Variants in LAMC3 observed in about 807,000 individuals in gnomAD.
LAMC3 encodes the protein laminin subunit gamma-3.
Under a neutral mutation model 173.8 loss-of-function variants are expected in LAMC3, and 128 were observed. The ratio of observed to expected loss-of-function variants is 0.74; its 90% CI spans 0.64 to 0.85. The LOEUF (loss-of-function observed/expected upper bound fraction) is 0.85. Among genes scored for constraint, LAMC3 ranks in the 40% least tolerant of loss-of-function variants. The probability of loss-of-function intolerance (pLI) is 0.00; values close to 1 mark genes in which losing one functional copy is unlikely to be tolerated. For synonymous variants in LAMC3, 897 were observed against 909.1 expected, an observed-to-expected ratio of 0.99 and a Z score of 0.24; for missense variants, 2,022 against 2,156.0, an observed-to-expected ratio of 0.94 and a Z score of 1.23.
intron 1 of LAMC3, among the ~76,000 whole-genome samples, chr9:131,025,511 A>C (rs985099199): frequency 3.3e-5 from 5 of 152,054 alleles, no homozygotes; most frequent in Non-Finnish European, 7.4e-5. Flanking sequence ...GGGAGAGGCC[A>C]CTGGAAGCTG....
At chr9:131,091,420 T>C in intron 27 of LAMC3, 117 bp from the exon 28 acceptor site, 1 of 1,353,090 alleles carries the variant, frequency 7.4e-7, no homozygotes, top group Non-Finnish European at 1.0e-6. Flanking sequence ...CCCTGGTGGA[T>C]GGTGGGCCAT....
chr9:131,048,999 G>T (rs1834230426), intron 8 of LAMC3, 21 bp from the exon 9 acceptor site: 4 of 1,473,042 alleles, frequency 2.7e-6, no homozygotes, highest in East Asian at 4.9e-5. Context: ...TGATCGGGGG[G>T]TGTCTGTGTT....
At chr9:131,073,024 A>G (rs1219170147) in intron 19 of LAMC3, among the ~76,000 whole-genome samples, 189 bp downstream of exon 19, 1 of 152,196 alleles carries the variant, frequency 6.6e-6, no homozygotes, top group East Asian at 1.9e-4. Context: ...AGGGCGAGGC[A>G]TGTTCCGAGG....
At chr9:131,065,286 C>T (rs1387746264) in intron 13 of LAMC3, among the ~76,000 whole-genome samples, 4 of 152,262 alleles carry the variant, frequency 2.6e-5, no homozygotes, top group African/African-American at 4.8e-5. Context: ...AAAGCCCCCT[C>T]GCACAGCATG....
At chr9:131,021,939 A>T (rs1211218718) in intron 1 of LAMC3, among the ~76,000 whole-genome samples, 1 of 152,330 alleles carries the variant, frequency 6.6e-6, no homozygotes, top group African/African-American at 2.4e-5. Context: ...GCCACCCTCC[A>T]GGAACCTCCC....
intron 9 of LAMC3, among the ~76,000 whole-genome samples, chr9:131,050,777 G>GA (rs35256167): frequency 2.9e-4 from 43 of 148,218 alleles, no homozygotes; most frequent in East Asian, 6.0e-4. Context: ...CCAAAAAAAG[G>GA]AAAAAAAAAA....
chr9:131,091,577 C>T lies in LAMC3; in HGVS notation c.4518C>T (p.Asn1506=), dbSNP rs767921820. 32 of 1,589,718 alleles carry T rather than the reference C, an allele frequency of 2.0e-5. No homozygotes were observed. Among genetic ancestry groups the T allele is most frequent in the Middle Eastern group, 1.7e-4 (1 of 5,756 alleles). Residue 1506 remains asparagine (N), a synonymous_variant, in exon 28 of 28, where the codon AAC becomes AAT. Coordinates refer to ENST00000361069, the MANE Select transcript of LAMC3 (RefSeq NM_006059.4). ...DTHQAPAQAL[N]ETQWALERLR... is the part of the protein sequence containing the mutation. The stretch of plus-strand genomic sequence containing the variant: ...ATCAAGCCCCAGCCCAGGCCCTGAA[C>T]GAGACTCAGTGGGCACTAGAACGCC...
chr9:131,092,711 C>G lies in LAMC3; in HGVS notation c.*924C>G, dbSNP rs1830446448. 6.6e-6 allele frequency: 1 copy of G among 152,348 alleles called. No homozygotes were observed. The highest frequency in any genetic ancestry group is 2.4e-5 in the African/African-American group (1 of 41,472). The allele number at this position is 152,348 out of a possible 1,614,324, so 9.4% of individuals were successfully genotyped here. A position where few individuals can be genotyped will look rare whatever the true frequency, so the allele number is the denominator to read the frequency against. ...GCACGCCTCTGTGCCCCCGGCAACC[C>G]AGTTGACCTTTAATTGACGCTTTCC... On this transcript the variant is annotated 3_prime_UTR_variant, in exon 28 of 28. Transcript: ENST00000361069.
In LAMC3 at chr9:131,093,073, C is replaced by G. The variant is rs981412792; in HGVS notation, c.*1286C>G. ...CCTTTCACTGGGCAGGGTGGTGTGC[C>G]TCACCCTCCCCGGCTGGTGGGCAGC... On this transcript the variant is annotated 3_prime_UTR_variant, in exon 28 of 28. Transcript: ENST00000361069. 6.6e-6 allele frequency: 1 copy of G among 152,366 alleles called. No individual in the cohort carries two copies. The highest frequency in any genetic ancestry group is 1.5e-5 in the Non-Finnish European group (1 of 68,178). The allele number at this position is 152,366 out of a possible 1,614,324, so 9.4% of individuals were successfully genotyped here.
intron 27 of LAMC3, among the ~76,000 whole-genome samples, chr9:131,088,062 C>T (rs1300151290): frequency 6.6e-6 from 1 of 152,172 alleles, no homozygotes; most frequent in African/African-American, 2.4e-5. Context: ...CCAGGGCCCT[C>T]TATTCTTTGG....
At position 131,039,242 on chromosome 9, in the gene LAMC3, G is replaced by A; in HGVS notation, c.1277G>A (p.Gly426Asp). 4 of 1,604,378 alleles carry A rather than the reference G, an allele frequency of 2.5e-6. No individual in the cohort carries two copies. Among genetic ancestry groups the A allele is most frequent in the Non-Finnish European group, 3.4e-6 (4 of 1,179,814 alleles). The change falls in exon 6 of 28, where the codon GGC becomes GAC. Residue 426 changes from glycine to aspartate, a missense_variant. Gly to Asp is a moderately conservative substitution (Grantham distance 94). Transcript: ENST00000361069. ...GGGTTCCACTCGCTCAGTGAGGGAGGCTGCAGGTGAGGGCGAGGGGCGGCC... is the reference window on the plus strand; with the variant it reads ...GGGTTCCACTCGCTCAGTGAGGGAGACTGCAGGTGAGGGCGAGGGGCGGCC... ...LPGFHSLSEGGCRPCTCNPAG... is the reference protein window; with the variant it reads ...LPGFHSLSEGDCRPCTCNPAG...
intron 16 of LAMC3, among the ~76,000 whole-genome samples, chr9:131,069,297 T>C (rs1487210802): frequency 6.6e-6 from 1 of 152,160 alleles, no homozygotes; most frequent in African/African-American, 2.4e-5. Flanking sequence ...TCTGGCCCTC[T>C]GCAGCCTGCC....
At chr9:131,033,417 G>A (rs976556944) in intron 3 of LAMC3, among the ~76,000 whole-genome samples, 12 of 152,130 alleles carry the variant, frequency 7.9e-5, no homozygotes, top group African/African-American at 2.4e-4. Context: ...GCCTGGGGTC[G>A]GGGAGGACAG....
At chr9:131,086,462 C>T (rs1299449223) in intron 25 of LAMC3, among the ~76,000 whole-genome samples, 1 of 150,944 alleles carries the variant, frequency 6.6e-6, no homozygotes, top group Non-Finnish European at 1.5e-5. Context: ...GGCTGGAGTA[C>T]AGTAGCACAA....
intron 23 of LAMC3, among the ~76,000 whole-genome samples, chr9:131,080,586 A>T (rs1043258240): frequency 4.6e-5 from 7 of 152,068 alleles, no homozygotes; most frequent in Admixed American, 1.3e-4. Flanking sequence ...CCCGGCTTCC[A>T]TTCCTTTTAA....
intron 2 of LAMC3, among the ~76,000 whole-genome samples, chr9:131,030,295 C>T (rs1259893286): frequency 6.6e-6 from 1 of 152,226 alleles, no homozygotes; most frequent in African/African-American, 2.4e-5. Flanking sequence ...GCTAAGGCTG[C>T]TCTCTCCCAG....
At chr9:131,057,742 G>T (rs529428350) in intron 12 of LAMC3, among the ~76,000 whole-genome samples, 1 of 152,300 alleles carries the variant, frequency 6.6e-6, no homozygotes, top group African/African-American at 2.4e-5. Flanking sequence ...CCATATGGTG[G>T]TCAGGAGACG....
At chr9:131,045,305 T>A (rs1834133839) in intron 7 of LAMC3, among the ~76,000 whole-genome samples, 1 of 151,884 alleles carries the variant, frequency 6.6e-6, no homozygotes, top group Non-Finnish European at 1.5e-5. Flanking sequence ...ACAAATGTAC[T>A]GTGGTAATGT....
At chr9:131,081,619 G>A (rs1157407786) in intron 23 of LAMC3, among the ~76,000 whole-genome samples, 4 of 152,076 alleles carry the variant, frequency 2.6e-5, no homozygotes, top group African/African-American at 9.7e-5. Context: ...TTGCAGGCAT[G>A]CACCACCACA....
Sources: allele counts gnomAD v4.1 joint callset (sites outside exome capture counted in the v4.1 genomes callset), GRCh38; gene constraint gnomAD v4.1.1; transcripts MANE v1.5; gene names NCBI Gene and HGNC (gene_info 2026-07-23, HGNC 2026-07-21).